DCDC2: variants seen among roughly 807,000 people sequenced by gnomAD.
DCDC2 encodes the protein doublecortin domain containing 2.
In DCDC2, 40 loss-of-function variants were observed where a neutral mutation model predicts 50.2. That is an observed-to-expected ratio of 0.80 (90% CI 0.62 to 1.04). The LOEUF (loss-of-function observed/expected upper bound fraction) is 1.04. Among genes scored for constraint, DCDC2 ranks in the 50% least tolerant of loss-of-function variants. The pLI is 0.00. For missense variants in DCDC2, 570 were observed against 581.9 expected (o/e 0.98, Z 0.21); for synonymous variants, 234 against 210.6 (o/e 1.11, Z -0.96).
chr6:24,189,899 T>C lies in DCDC2; in HGVS notation c.1024-11267A>G, dbSNP rs548482885. Among the ~76,000 whole-genome samples the C allele has an allele frequency of 3.9e-5, 6 of 152,258 alleles. No homozygotes were observed. The South Asian group carries it at 1.0e-3, about 26-fold the overall frequency. ...TGGATTTTATGGCAGCATTCAGGCA[T>C]AGATGTTGAAAATACAGAAGTTATC... On this transcript the variant is annotated intron_variant, in intron 8 of 9. Coordinates refer to ENST00000378454, the MANE Select transcript of DCDC2 (RefSeq NM_016356.5).
intron 7 of DCDC2, among the ~76,000 whole-genome samples, chr6:24,207,428 G>C (rs923781990): frequency 6.6e-6 from 1 of 152,070 alleles, no homozygotes; most frequent in Non-Finnish European, 1.5e-5. Flanking sequence ...ATAATAAATA[G>C]CTGCATGTTG....
intron 2 of DCDC2, among the ~76,000 whole-genome samples, chr6:24,333,176 G>A (rs1759995930): frequency 6.6e-6 from 1 of 152,174 alleles, no homozygotes; most frequent in Non-Finnish European, 1.5e-5. Context: ...CAGGTATGCT[G>A]TGGACAGAAG....
the DCDC2 span, among the ~76,000 whole-genome samples, chr6:24,371,292 AAG>A: frequency 0.5 from 58,226 of 117,518 alleles, 14,873 homozygotes; most frequent in East Asian, 0.72. Context: ...AAAAAAAAAA[AAG>A]AAAAGAAAAG....
the DCDC2 span, among the ~76,000 whole-genome samples, chr6:24,365,265 C>T: frequency 6.6e-6 from 1 of 152,192 alleles, no homozygotes; most frequent in Admixed American, 6.5e-5. Flanking sequence ...CTCTACTGCT[C>T]ATCCTCATTG....
rs1483448174 is a variant in DCDC2 at position 24,301,233 on chromosome 6, T to C, written c.557+482A>G. On this transcript the variant is annotated intron_variant, in intron 4 of 9. Coordinates refer to ENST00000378454, the MANE Select transcript of DCDC2 (RefSeq NM_016356.5). Reference sequence around the variant, plus strand: ...AAAAATACAAAAAATTAGCCGGGCGTGGTGGTGGGCGCCTGTGGTCCCAGC... The same window carrying C: ...AAAAATACAAAAAATTAGCCGGGCGCGGTGGTGGGCGCCTGTGGTCCCAGC... Among the ~76,000 whole-genome samples, 11 of 151,438 alleles carry C rather than the reference T, an allele frequency of 7.3e-5. No homozygotes were observed. In the East Asian group the frequency reaches 7.7e-4, roughly 11 times the overall value.
upstream of DCDC2, among the ~76,000 whole-genome samples, chr6:24,358,613 T>G (rs1760528772): frequency 7.1e-6 from 1 of 141,464 alleles, no homozygotes; most frequent in Non-Finnish European, 1.5e-5. Context: ...GCCCAGGAGG[T>G]CGAGGCTGCA....
chr6:24,282,503 A>C (rs1018946446), intron 6 of DCDC2, among the ~76,000 whole-genome samples: 4 of 151,710 alleles, frequency 2.6e-5, no homozygotes, highest in Admixed American at 2.6e-4. Context: ...TTGGCATCCC[A>C]AAGTGCTGGG....
intron 6 of DCDC2, among the ~76,000 whole-genome samples, chr6:24,280,888 C>A (rs182742128): frequency 6.6e-6 from 1 of 152,076 alleles, no homozygotes; most frequent in Non-Finnish European, 1.5e-5. Flanking sequence ...ACCTTTCACA[C>A]GCCGTTAGCA....
intron 7 of DCDC2, among the ~76,000 whole-genome samples, chr6:24,214,108 C>T (rs574575787): frequency 6.6e-5 from 10 of 152,150 alleles, no homozygotes; most frequent in Admixed American, 2.0e-4. Flanking sequence ...TAATTTTATC[C>T]GCACATTTAT....
At chr6:24,364,216 T>C in the DCDC2 span, among the ~76,000 whole-genome samples, 1 of 152,222 alleles carries the variant, frequency 6.6e-6, no homozygotes, top group East Asian at 1.9e-4. Flanking sequence ...ACATATTACA[T>C]ATTTTTTCTC....
intron 2 of DCDC2, among the ~76,000 whole-genome samples, chr6:24,310,852 G>T (rs772599715): frequency 6.6e-6 from 1 of 151,846 alleles, no homozygotes; most frequent in Non-Finnish European, 1.5e-5. Flanking sequence ...GTTACCACAG[G>T]ACACATCGTT....
At chr6:24,240,084 T>A (rs967224112) in intron 7 of DCDC2, among the ~76,000 whole-genome samples, 2 of 152,196 alleles carry the variant, frequency 1.3e-5, no homozygotes, top group African/African-American at 2.4e-5. Context: ...AAATATATAT[T>A]AAACTCACAT....
chr6:24,303,567 T>C (rs1759420426), intron 2 of DCDC2, among the ~76,000 whole-genome samples: 1 of 152,238 alleles, frequency 6.6e-6, no homozygotes, highest in East Asian at 1.9e-4. Flanking sequence ...CTCAAACTGC[T>C]ACAGCTACTA....
At chr6:24,376,972 C>T in the DCDC2 span, among the ~76,000 whole-genome samples, 1 of 152,240 alleles carries the variant, frequency 6.6e-6, no homozygotes, top group South Asian at 2.1e-4. Flanking sequence ...CAACCAAAAG[C>T]CACTTGTAAA....
Position 24,174,541 on chromosome 6 carries a change from G to C in DCDC2, c.*189C>G. 1 of 435,564 alleles carries C rather than the reference G, an allele frequency of 2.3e-6. No individual in the cohort carries two copies. The allele number at this position is 435,564 out of a possible 1,614,324, so 27.0% of individuals were successfully genotyped here. On this transcript the variant is annotated 3_prime_UTR_variant, in exon 10 of 10. Transcript: ENST00000378454. ...GACTTTTAAAACACATGCAATAAAA[G>C]TAAGTAATTATCCTTTAGTAGCCAT...
At chr6:24,239,366 C>A (rs913155552) in intron 7 of DCDC2, among the ~76,000 whole-genome samples, 2 of 152,166 alleles carry the variant, frequency 1.3e-5, no homozygotes, top group Non-Finnish European at 2.9e-5. Flanking sequence ...ATCTTATTTT[C>A]CATCAAAGGT....
chr6:24,284,406 G>C (rs1023020284), intron 6 of DCDC2, among the ~76,000 whole-genome samples: 3 of 151,732 alleles, frequency 2.0e-5, no homozygotes, highest in African/African-American at 2.4e-5. Context: ...AGGAGTTCAA[G>C]ACCAGCCTTG....
intron 7 of DCDC2, among the ~76,000 whole-genome samples, chr6:24,228,897 T>C (rs908266439): frequency 2.6e-5 from 4 of 152,186 alleles, no homozygotes; most frequent in African/African-American, 7.2e-5. Context: ...GGTTGCCTAG[T>C]AGTTCTAGTT....
intron 2 of DCDC2, among the ~76,000 whole-genome samples, chr6:24,335,414 T>A (rs1760040687): frequency 1.3e-5 from 2 of 152,158 alleles, no homozygotes; most frequent in South Asian, 2.1e-4. Context: ...TATTCGACCA[T>A]CAAAGGATGT....
Sources: gnomAD v4.1 joint callset for allele counts (sites outside exome capture counted in the v4.1 genomes callset) on GRCh38, gnomAD v4.1.1 for gene constraint, MANE v1.5 for transcripts, NCBI Gene and HGNC (gene_info 2026-07-23, HGNC 2026-07-21) for gene names.